Variants in TPRG1L observed in about 807,000 individuals in gnomAD.
TPRG1L encodes the protein tumor protein p63 regulated 1 like.
TPRG1L carries 25 observed loss-of-function variants against 29.4 expected under a neutral mutation model. That is an observed-to-expected ratio of 0.85 (90% CI 0.62 to 1.19). TPRG1L has a LOEUF of 1.19. Among genes scored for constraint, TPRG1L ranks in the 50% most tolerant of loss-of-function variants. The pLI, the probability that TPRG1L is intolerant of heterozygous loss-of-function variation, is 0.00. For missense variants in TPRG1L, 354 were observed against 364.4 expected (o/e 0.97, Z 0.23); for synonymous variants, 182 against 151.1 (o/e 1.20, Z -1.50).
chr1:3,628,985 C>T lies in TPRG1L; in HGVS notation c.*382C>T, dbSNP rs544663325. Reference sequence around the variant, plus strand: ...GCGGGACCCATAGCACACCCCTTAGCGCTTGCCTAGGTTGCTGAAAACAGG... The same window carrying T: ...GCGGGACCCATAGCACACCCCTTAGTGCTTGCCTAGGTTGCTGAAAACAGG... On this transcript the variant is annotated 3_prime_UTR_variant, in exon 5 of 5. Coordinates refer to ENST00000378344, the MANE Select transcript of TPRG1L (RefSeq NM_182752.4). 9.4e-5 allele frequency: 16 copies of T among 170,354 alleles called. No homozygotes were observed. In the East Asian group the frequency reaches 2.2e-3, roughly 23 times the overall value. 10.6% of individuals were successfully genotyped at this position (170,354 alleles called of 1,614,324 possible).
At chr1:3,626,393 G>A (rs1273930867) in intron 3 of TPRG1L, among the ~76,000 whole-genome samples, 1 of 152,156 alleles carries the variant, frequency 6.6e-6, no homozygotes, top group Non-Finnish European at 1.5e-5. Context: ...ATTTTCTGAC[G>A]TGAGGAACCT....
Position 3,625,826 on chromosome 1 carries a change from C to T in TPRG1L, c.407C>T (p.Ala136Val), listed in dbSNP as rs1557448061. The T allele has an allele frequency of 2.5e-6, 4 of 1,613,534 alleles. No individual in the cohort carries two copies. Among genetic ancestry groups the T allele is most frequent in the African/African-American group, 1.3e-5 (1 of 75,048 alleles). Residue 136 changes from alanine (A) to valine (V), a missense_variant, in exon 3 of 5, where the codon GCG becomes GTG. Ala to Val is a moderately conservative substitution (Grantham distance 64, BLOSUM62 0). Transcript: ENST00000378344. The part of the protein sequence containing the change: ...SLQCQQVVRI[A>V]LNAVDTISYG... ...CAGTGCCAGCAGGTGGTGCGGATAG[C>T]GCTCAACGCAGTAGACACCATTTCC...
intron 3 of TPRG1L, among the ~76,000 whole-genome samples, chr1:3,627,285 G>A (rs769776651): frequency 6.6e-5 from 10 of 152,110 alleles, no homozygotes; most frequent in Non-Finnish European, 1.5e-4. Flanking sequence ...ACTCAAGCCT[G>A]GGCAACAAGA....
At chr1:3,626,001 T>C (rs1644485747) in intron 3 of TPRG1L, 112 bp downstream of exon 3, 1 of 1,080,422 alleles carries the variant, frequency 9.3e-7, no homozygotes. Context: ...TCATTAATTA[T>C]AAGCACAAAG....
At chr1:3,625,934 G>C (rs775994720) in intron 3 of TPRG1L, 45 bp downstream of exon 3, 1 of 1,555,450 alleles carries the variant, frequency 6.4e-7, no homozygotes, top group Non-Finnish European at 8.7e-7. Context: ...AAGCACCAGA[G>C]TGGACCTTAC....
chr1:3,627,703 A>G lies in TPRG1L; in HGVS notation c.624+50A>G, dbSNP rs1557449392. 5 of 1,602,972 alleles carry G rather than the reference A, an allele frequency of 3.1e-6. No homozygotes were observed. The African/African-American group carries it at 4.0e-5, about 13-fold the overall frequency. On this transcript the variant is annotated intron_variant, in intron 4 of 4. Coordinates refer to ENST00000378344, the MANE Select transcript of TPRG1L (RefSeq NM_182752.4). ...CCGCGCCCCCCGCAGTGATGGAAAC[A>G]CCCCCCGCAGTCACGGAGACACTTC...
chr1:3,627,476 T>C (rs767237751), intron 3 of TPRG1L, 24 bp from the exon 4 acceptor site: 2 of 1,613,198 alleles, frequency 1.2e-6, no homozygotes, highest in Non-Finnish European at 1.7e-6. Context: ...ATGCTAAGTC[T>C]GGCTATTTCT....
intron 3 of TPRG1L, 23 bp downstream of exon 3, chr1:3,625,912 A>G (rs1644484951): frequency 1.3e-6 from 2 of 1,595,864 alleles, no homozygotes; most frequent in Non-Finnish European, 1.7e-6. Context: ...AGAGTCCAGT[A>G]TCACTGGACC....
rs1351030316 is a variant in TPRG1L, at chr1:3,625,460, G to T, written c.238G>T (p.Val80Leu). 3.1e-6 allele frequency: 5 copies of T among 1,607,106 alleles called. No homozygotes were observed. Among genetic ancestry groups the T allele is most frequent in the Non-Finnish European group, 4.2e-6 (5 of 1,177,904 alleles). ...SIEQAVEEIR[V>L]VVRPVEDGEI... ...CGAGCAGGCAGTGGAGGAGATCCGC[G>T]TGGTGGTGCGGCCCGTGGAGGACGG... The change falls in exon 2 of 5, where the codon GTG (valine) becomes TTG (leucine). Residue 80 changes from valine to leucine, a missense_variant. Physicochemically the swap from Val to Leu is conservative, Grantham distance 32. Transcript: ENST00000378344.
rs764713757 is a variant in TPRG1L, at chr1:3,628,712, C to T, written c.*109C>T. On this transcript the variant is annotated 3_prime_UTR_variant, in exon 5 of 5. Transcript: ENST00000378344. ...GGGAGGCCTGGCAGTCTTCATGCTG[C>T]CCTGCTGCTGCTGGAAGGATGGGGA... is the stretch of plus-strand genomic sequence containing the variant. The T allele has an allele frequency of 2.8e-6, 3 of 1,054,822 alleles. No individual in the cohort carries two copies. Among genetic ancestry groups the T allele is most frequent in the South Asian group, 3.4e-5 (2 of 59,508 alleles). 65.3% of individuals were successfully genotyped at this position (1,054,822 alleles called of 1,614,324 possible). A position where few individuals can be genotyped will look rare whatever the true frequency, so the allele number is the denominator to read the frequency against.
intron 3 of TPRG1L, among the ~76,000 whole-genome samples, chr1:3,627,049 G>T (rs914361512): frequency 6.6e-6 from 1 of 152,170 alleles, no homozygotes; most frequent in Non-Finnish European, 1.5e-5. Flanking sequence ...GGTGGCTCAC[G>T]CCTGTAATCC....
chr1:3,627,662 A>G lies in TPRG1L; in HGVS notation c.624+9A>G, dbSNP rs1644499213. 5 of 1,596,926 alleles carry G rather than the reference A, an allele frequency of 3.1e-6. No homozygotes were observed. Among genetic ancestry groups the G allele is most frequent in the Admixed American group, 1.7e-5 (1 of 58,810 alleles). On this transcript the variant is annotated intron_variant, in intron 4 of 4. Coordinates refer to ENST00000378344, the MANE Select transcript of TPRG1L (RefSeq NM_182752.4). ...CAGCATCTCTGTGTCAGGTAAGAAG[A>G]CAGGCACATAAATAGCCGCGCCCCC... is the stretch of plus-strand genomic sequence containing the variant.
intron 4 of TPRG1L, 91 bp downstream of exon 4, chr1:3,627,744 G>C (rs148144545): frequency 2.0e-6 from 3 of 1,535,586 alleles, no homozygotes. Flanking sequence ...TGCACTGTCC[G>C]GCGGCCACGC....
In TPRG1L at chr1:3,625,826, C is replaced by A. The variant is rs1557448061; in HGVS notation, c.407C>A (p.Ala136Glu). The change falls in exon 3 of 5, where the codon GCG (alanine) becomes GAG (glutamate). Residue 136 changes from alanine (A) to glutamate (E), a missense_variant. Physicochemically the swap from Ala to Glu is moderately radical, Grantham distance 107 (BLOSUM62 -1). Transcript: ENST00000378344. The stretch of plus-strand genomic sequence containing the variant: ...CAGTGCCAGCAGGTGGTGCGGATAG[C>A]GCTCAACGCAGTAGACACCATTTCC... Reference protein sequence around the residue: ...SLQCQQVVRIALNAVDTISYG... With the variant: ...SLQCQQVVRIELNAVDTISYG... The A allele has an allele frequency of 1.9e-6, 3 of 1,613,534 alleles. No individual in the cohort carries two copies. The highest frequency in any genetic ancestry group is 2.5e-6 in the Non-Finnish European group (3 of 1,180,028).
At chr1:3,625,401 C>T (rs763749533) in intron 1 of TPRG1L, 23 bp from the exon 2 acceptor site, 1 of 1,565,850 alleles carries the variant, frequency 6.4e-7, no homozygotes, top group African/African-American at 1.3e-5. Context: ...TTGCCCCCGT[C>T]CCCCACCCCG....
At chr1:3,625,356 C>T in intron 1 of TPRG1L, 68 bp from the exon 2 acceptor site, 4 of 1,535,564 alleles carry the variant, frequency 2.6e-6, no homozygotes, top group Non-Finnish European at 3.5e-6. Context: ...GGGCGCCGGG[C>T]GGTCCCGCAG....
At chr1:3,626,852 T>A (rs544106379) in intron 3 of TPRG1L, among the ~76,000 whole-genome samples, 1 of 152,296 alleles carries the variant, frequency 6.6e-6, no homozygotes, top group East Asian at 1.9e-4. Flanking sequence ...GCGCTGGGAT[T>A]ATAGATGTCA....
intron 2 of TPRG1L, 87 bp downstream of exon 2, chr1:3,625,602 G>A (rs1438505865): frequency 3.2e-6 from 5 of 1,560,750 alleles, no homozygotes; most frequent in Non-Finnish European, 4.3e-6. Flanking sequence ...GGGTGCTCGT[G>A]CCACGCTCAG....
Position 3,625,755 on chromosome 1 carries a change from C to T in TPRG1L, c.336C>T (p.Val112=). 1 of 1,613,300 alleles carries T rather than the reference C, an allele frequency of 6.2e-7. No homozygotes were observed. The highest frequency in any genetic ancestry group is 8.5e-7 in the Non-Finnish European group (1 of 1,179,922). Residue 112 remains valine, a synonymous_variant, in exon 3 of 5, where the codon GTC becomes GTT. Transcript: ENST00000378344. The stretch of plus-strand genomic sequence containing the variant: ...ATGAGAAGGAGCGGCTGGTGCTGGT[C>T]ACGGAGCAGTCCCTGCTTATCTGTA... The part of the protein sequence containing the change: ...WNNEKERLVL[V]TEQSLLICKY...
Sources: allele counts gnomAD v4.1 joint callset (sites outside exome capture counted in the v4.1 genomes callset), GRCh38; gene constraint gnomAD v4.1.1; transcripts MANE v1.5; gene names NCBI Gene and HGNC (gene_info 2026-07-23, HGNC 2026-07-21).